The following DPY19L4 variants were observed in gnomAD, a reference collection of about 807,000 sequenced individuals.
DPY19L4 encodes the protein dpy-19 like 4, also known as probable C-mannosyltransferase DPY19L4.
In DPY19L4, 97 loss-of-function variants were observed where a neutral mutation model predicts 102.8. The observed-to-expected ratio is 0.94, with a 90% confidence interval of 0.80 to 1.12. DPY19L4 has a LOEUF of 1.12. Among genes scored for constraint, DPY19L4 ranks in the 50% most tolerant of loss-of-function variants. The probability of loss-of-function intolerance (pLI) is 0.00; values close to 1 mark genes in which losing one functional copy is unlikely to be tolerated. For missense variants in DPY19L4, 815 were observed against 850.4 expected (o/e 0.96, Z 0.52); for synonymous variants, 252 against 283.1 (o/e 0.89, Z 1.10).
At chr8:94,755,601 A>G (rs887910650) in intron 6 of DPY19L4, among the ~76,000 whole-genome samples, 6 of 152,186 alleles carry the variant, frequency 3.9e-5, no homozygotes, top group Non-Finnish European at 8.8e-5. Flanking sequence ...TGTATAGACA[A>G]TGGTGGATCT....
intron 2 of DPY19L4, among the ~76,000 whole-genome samples, chr8:94,733,717 T>A (rs1457990345): frequency 6.6e-6 from 1 of 151,804 alleles, no homozygotes; most frequent in Non-Finnish European, 1.5e-5. Flanking sequence ...AATTTTTGTA[T>A]TTTTAGTACA....
rs1810372832 is a variant in DPY19L4 at position 94,719,905 on chromosome 8, C to T, written c.-94C>T. The T allele has an allele frequency of 1.5e-6, 2 of 1,374,012 alleles. No homozygotes were observed. Among genetic ancestry groups the T allele is most frequent in the Admixed American group, 3.3e-5 (1 of 30,284 alleles). The allele number at this position is 1,374,012 out of a possible 1,614,324, so 85.1% of individuals were successfully genotyped here. On this transcript the variant is annotated 5_prime_UTR_variant, in exon 1 of 19. Coordinates refer to ENST00000414645, the MANE Select transcript of DPY19L4 (RefSeq NM_181787.3). ...GAAGTGGGGGCGCGGCGGCCAGGAG[C>T]GGGCCCCCGGAGGCCGAGGGGTTCG...
intron 2 of DPY19L4, among the ~76,000 whole-genome samples, chr8:94,727,756 G>A (rs1219475237): frequency 6.6e-6 from 1 of 152,090 alleles, no homozygotes; most frequent in Admixed American, 6.5e-5. Context: ...GGTTTTTACT[G>A]GGGGCTGGTC....
In DPY19L4 at chr8:94,793,286, G is replaced by A. The variant is rs546503747; in HGVS notation, c.*3376G>A. Reference sequence around the variant, plus strand: ...AAATAGATTTAATTTCTTACACTGTGAATAGCCATTGTATTGTTTTGTTTC... The same window carrying A: ...AAATAGATTTAATTTCTTACACTGTAAATAGCCATTGTATTGTTTTGTTTC... On this transcript the variant is annotated 3_prime_UTR_variant, in exon 19 of 19. Coordinates refer to ENST00000414645, the MANE Select transcript of DPY19L4 (RefSeq NM_181787.3). 7 of 152,284 alleles carry A rather than the reference G, an allele frequency of 4.6e-5. No homozygotes were observed. The highest frequency in any genetic ancestry group is 1.7e-4 in the African/African-American group (7 of 41,566). The allele number at this position is 152,284 out of a possible 1,614,324, so 9.4% of individuals were successfully genotyped here.
rs767611141 is a variant in DPY19L4, at chr8:94,734,699, A to G, written c.197A>G (p.Tyr66Cys). The G allele has an allele frequency of 3.1e-6, 5 of 1,613,990 alleles. No individual in the cohort carries two copies. Among genetic ancestry groups the G allele is most frequent in the African/African-American group, 2.7e-5 (2 of 74,942 alleles). ...GCAGCGGTTACTAGTGGTATGATGT[A>G]TGCTCTCTACTTATCAGCATACCAT... ...CLAAVTSGMM[Y>C]ALYLSAYHER... is the part of the protein sequence containing the mutation. Residue 66 changes from tyrosine to cysteine, a missense_variant, in exon 3 of 19, where the codon TAT becomes TGT. Physicochemically the swap from Tyr to Cys is radical, Grantham distance 194. Transcript: ENST00000414645.
In DPY19L4 at chr8:94,738,384, A is replaced by G. The variant is rs746214591; in HGVS notation, c.268A>G (p.Ile90Val). The G allele has an allele frequency of 1.3e-6, 2 of 1,527,518 alleles. No individual in the cohort carries two copies. Among genetic ancestry groups the G allele is most frequent in the East Asian group, 2.4e-5 (1 of 42,142 alleles). The allele number at this position is 1,527,518 out of a possible 1,614,324, so 94.6% of individuals were successfully genotyped here. Reference protein sequence around the residue: ...FSNRQELEREITFQGDSAIYY... With the variant: ...FSNRQELEREVTFQGDSAIYY... The stretch of plus-strand genomic sequence containing the variant: ...TTTCTTTTAGGAGCTTGAACGGGAA[A>G]TCACGTTTCAGGGTGACAGTGCCAT... The change falls in exon 4 of 19, where the codon ATC (isoleucine) becomes GTC (valine). Residue 90 changes from isoleucine (I) to valine (V), a missense_variant. By Grantham distance (29) the Ile-to-Val change is conservative. Transcript: ENST00000414645.
chr8:94,774,633 A>C (rs1451054516), intron 13 of DPY19L4, among the ~76,000 whole-genome samples: 2 of 149,004 alleles, frequency 1.3e-5, no homozygotes. Context: ...GCTAGAGTGC[A>C]ATGCTGTGAT....
rs762081906 is a variant in DPY19L4, at chr8:94,765,235, T to A, written c.923T>A (p.Leu308Gln). ...TTTTCCCTCTTTCTGGGATATTTACTACAGTTTGAGAATCCAGCTTTGTTG... is the reference window on the plus strand; with the variant it reads ...TTTTCCCTCTTTCTGGGATATTTACAACAGTTTGAGAATCCAGCTTTGTTG... ...YIFSLFLGYL[L>Q]QFENPALLVS... Residue 308 changes from leucine (L) to glutamine (Q), a missense_variant, in exon 9 of 19, where the codon CTA (leucine) becomes CAA (glutamine). Coordinates refer to ENST00000414645, the MANE Select transcript of DPY19L4 (RefSeq NM_181787.3). The A allele has an allele frequency of 6.2e-7, 1 of 1,607,718 alleles. No individual in the cohort carries two copies. The highest frequency in any genetic ancestry group is 8.5e-7 in the Non-Finnish European group (1 of 1,177,550).
intron 2 of DPY19L4, among the ~76,000 whole-genome samples, chr8:94,728,001 ACCC>A (rs1036665412): frequency 3.4e-4 from 51 of 151,936 alleles, no homozygotes; most frequent in African/African-American, 1.2e-3. Context: ...TCACCCTGTC[ACCC>A]AGGCAGGAGT....
At position 94,792,809 on chromosome 8, in the gene DPY19L4, C is replaced by T. The variant is rs1053209593; in HGVS notation, c.*2899C>T. On this transcript the variant is annotated 3_prime_UTR_variant, in exon 19 of 19. Coordinates refer to ENST00000414645, the MANE Select transcript of DPY19L4 (RefSeq NM_181787.3). Reference sequence around the variant, plus strand: ...GGCGGAGCTTGCGGTGAGCCGAGATCATGCCGCTGCACTCCAGCCTGGGCA... The same window carrying T: ...GGCGGAGCTTGCGGTGAGCCGAGATTATGCCGCTGCACTCCAGCCTGGGCA... 3.9e-5 allele frequency: 6 copies of T among 152,362 alleles called. No individual in the cohort carries two copies. The highest frequency in any genetic ancestry group is 1.3e-4 in the Admixed American group (2 of 15,298). The allele number at this position is 152,362 out of a possible 1,614,324, so 9.4% of individuals were successfully genotyped here.
chr8:94,755,617 G>C (rs938244886), intron 6 of DPY19L4, among the ~76,000 whole-genome samples: 1 of 151,872 alleles, frequency 6.6e-6, no homozygotes, highest in Non-Finnish European at 1.5e-5. Flanking sequence ...GATCTGGGCT[G>C]GGTGCGGTGG....
At chr8:94,729,810 G>A (rs573971745) in intron 2 of DPY19L4, among the ~76,000 whole-genome samples, 1 of 151,900 alleles carries the variant, frequency 6.6e-6, no homozygotes, top group South Asian at 2.1e-4. Context: ...CAGCCTGGAC[G>A]ATGCAGCAAG....
chr8:94,770,509 A>C lies in DPY19L4; in HGVS notation c.1392A>C (p.Pro464=). 2 of 1,613,966 alleles carry C rather than the reference A, an allele frequency of 1.2e-6. No homozygotes were observed. Among genetic ancestry groups the C allele is most frequent in the Middle Eastern group, 3.3e-4 (2 of 6,062 alleles). ...AAGATGGACGAATTGGAGAAAGACC[A>C]GAAATAATTTATCATGTAATTCACA... ...TLEDGRIGER[P]EIIYHVIHTI... is the part of the protein sequence containing the mutation. The change falls in exon 13 of 19, where the codon CCA becomes CCC. Residue 464 remains proline, a synonymous_variant. Transcript: ENST00000414645.
At chr8:94,720,091 G>C (rs1344659256) in intron 1 of DPY19L4, 77 bp downstream of exon 1, 6 of 1,472,322 alleles carry the variant, frequency 4.1e-6, no homozygotes, top group Non-Finnish European at 5.4e-6. Context: ...TGGAGGTCTG[G>C]GTTGGAGCTG....
At chr8:94,786,952 G>A (rs1056752342) in intron 17 of DPY19L4, among the ~76,000 whole-genome samples, 7 of 152,110 alleles carry the variant, frequency 4.6e-5, no homozygotes, top group Admixed American at 6.5e-5. Context: ...ATTGTTCCCC[G>A]AGGGGACATT....
rs74974777 is a variant in DPY19L4 at position 94,736,371 on chromosome 8, T to C, written c.252+1617T>C. Among the ~76,000 whole-genome samples the C allele has an allele frequency of 8.5e-3, 1,288 of 152,300 alleles. 14 individuals carry two copies. Among genetic ancestry groups the C allele is most frequent in the Middle Eastern group, 0.051 (15 of 294 alleles). On this transcript the variant is annotated intron_variant, in intron 3 of 18. Coordinates refer to ENST00000414645, the MANE Select transcript of DPY19L4 (RefSeq NM_181787.3). ...GACTTCCTCTTGGAGAGTCACAATA[T>C]ATAAGATATACTGAAACTCTGAAAA... is the stretch of plus-strand genomic sequence containing the variant.
chr8:94,765,661 T>C, intron 9 of DPY19L4, 50 bp from the exon 10 acceptor site: 2 of 1,368,218 alleles, frequency 1.5e-6, no homozygotes, highest in East Asian at 2.3e-5. Context: ...TTTTAAATTG[T>C]TAATTTTTTA....
At chr8:94,762,817 A>G (rs755893960) in intron 8 of DPY19L4, among the ~76,000 whole-genome samples, 6 of 152,042 alleles carry the variant, frequency 3.9e-5, no homozygotes, top group Non-Finnish European at 7.4e-5. Flanking sequence ...ACATGGTAAG[A>G]TCCCACCTCT....
intron 16 of DPY19L4, among the ~76,000 whole-genome samples, chr8:94,783,416 T>G (rs1337542370): frequency 6.6e-6 from 1 of 152,210 alleles, no homozygotes; most frequent in East Asian, 1.9e-4. Flanking sequence ...CCAATATATG[T>G]GTTTACTTCT....
Sources: gnomAD v4.1 joint callset for allele counts (sites outside exome capture counted in the v4.1 genomes callset) on GRCh38, gnomAD v4.1.1 for gene constraint, MANE v1.5 for transcripts, NCBI Gene and HGNC (gene_info 2026-07-23, HGNC 2026-07-21) for gene names.